MAP3K4: variants seen among roughly 807,000 people sequenced by gnomAD.
The protein encoded by MAP3K4 is MAP three kinase 1.
In MAP3K4, 67 loss-of-function variants were observed where a neutral mutation model predicts 185.6. The ratio of observed to expected loss-of-function variants is 0.36; its 90% CI spans 0.30 to 0.44. The LOEUF is 0.44. MAP3K4 is among the 20% of genes least tolerant of loss of function. The pLI, the probability that MAP3K4 is intolerant of heterozygous loss-of-function variation, is 1.00. For missense variants in MAP3K4, 1,551 were observed against 1,995.1 expected (o/e 0.78, Z 4.24); for synonymous variants, 702 against 710.4 (o/e 0.99, Z 0.19).
chr6:161,020,836 A>G (rs960320836), intron 1 of MAP3K4, among the ~76,000 whole-genome samples: 1 of 152,128 alleles, frequency 6.6e-6, no homozygotes, highest in African/African-American at 2.4e-5. Context: ...TTAATGATAC[A>G]CTGTTAGACA....
chr6:161,014,897 A>G (rs1263760034), intron 1 of MAP3K4, among the ~76,000 whole-genome samples: 1 of 152,200 alleles, frequency 6.6e-6, no homozygotes, highest in African/African-American at 2.4e-5. Context: ...CCATGTAGCC[A>G]TTACCAACCC....
chr6:161,049,131 G>A lies in MAP3K4; in HGVS notation c.859G>A (p.Ala287Thr). ...CGACCAGGACTTCTTTTTATATACAGCCCGTCAAGCCATCCCAGATATTAT... is the reference window on the plus strand; with the variant it reads ...CGACCAGGACTTCTTTTTATATACAACCCGTCAAGCCATCCCAGATATTAT... ...INDQDFFLYT[A>T]RQAIPDIINE... The change falls in exon 3 of 27, where the codon GCC (alanine) becomes ACC (threonine). Residue 287 changes from alanine to threonine, a missense_variant. By Grantham distance (58) the Ala-to-Thr change is moderately conservative. Coordinates refer to ENST00000392142, the MANE Select transcript of MAP3K4 (RefSeq NM_005922.4). This position sits in a 1 kb window ranked among gnomAD's most constrained non-coding sequence, Gnocchi z 8.4. 1 of 1,614,092 alleles carries A rather than the reference G, an allele frequency of 6.2e-7. No homozygotes were observed. The highest frequency in any genetic ancestry group is 8.5e-7 in the Non-Finnish European group (1 of 1,180,008).
chr6:161,009,783 C>A (rs1293299628), intron 1 of MAP3K4, among the ~76,000 whole-genome samples: 1 of 152,068 alleles, frequency 6.6e-6, no homozygotes, highest in Admixed American at 6.5e-5. Flanking sequence ...ATTTTTAAGT[C>A]TTTGCTAGTT....
rs1583211996 is a variant in MAP3K4 at position 161,084,651 on chromosome 6, T to C, written c.2372+34T>C. 8.2e-7 allele frequency: 1 copy of C among 1,215,318 alleles called. No homozygotes were observed. The highest frequency in any genetic ancestry group is 1.2e-6 in the Non-Finnish European group (1 of 817,140). 75.3% of individuals were successfully genotyped at this position (1,215,318 alleles called of 1,614,324 possible). A position where few individuals can be genotyped will look rare whatever the true frequency, so the allele number is the denominator to read the frequency against. The stretch of plus-strand genomic sequence containing the variant: ...TGTGCTTCCTTTCCCCTTCCACTTC[T>C]TATCTCGTAGTTTCCTTCCTCATGG... On this transcript the variant is annotated intron_variant, in intron 7 of 26. Transcript: ENST00000392142. This position sits in a 1 kb window ranked among gnomAD's most constrained non-coding sequence, Gnocchi z 4.6.
In MAP3K4 at chr6:161,037,659, C is replaced by CCA. The variant is rs35758309; in HGVS notation, c.343+3212_343+3213dup. Reference sequence around the variant, plus strand: ...TCTCGAACTGCTGACCTCAGGTGATCCACCTGCCTCAGTCTCCCAAAGTGC... The same window carrying CCA: ...TCTCGAACTGCTGACCTCAGGTGATCCACACCTGCCTCAGTCTCCCAAAGTGC... On this transcript the variant is annotated intron_variant, in intron 2 of 26. Transcript: ENST00000392142. This position sits in a 1 kb window ranked among gnomAD's most constrained non-coding sequence, Gnocchi z 4.2. Among the ~76,000 whole-genome samples the CCA allele has an allele frequency of 0.044, 6,694 of 152,214 alleles. 169 individuals carry two copies. Among genetic ancestry groups the CCA allele is most frequent in the South Asian group, 0.073 (353 of 4,822 alleles).
rs56024080 is a variant in MAP3K4, at chr6:161,014,824, A to G, written c.153-19435A>G. Among the ~76,000 whole-genome samples, 996 of 152,180 alleles carry G rather than the reference A, an allele frequency of 6.5e-3. 10 individuals carry two copies. Among genetic ancestry groups the G allele is most frequent in the Middle Eastern group, 0.065 (19 of 294 alleles). On this transcript the variant is annotated intron_variant, in intron 1 of 26. Coordinates refer to ENST00000392142, the MANE Select transcript of MAP3K4 (RefSeq NM_005922.4). Reference sequence around the variant, plus strand: ...CAATGGTTTTAGTATATTCACAGATATATGCAACCATTACCACAGTCAATT... The same window carrying G: ...CAATGGTTTTAGTATATTCACAGATGTATGCAACCATTACCACAGTCAATT...
intron 3 of MAP3K4, among the ~76,000 whole-genome samples, chr6:161,060,490 C>T (rs529767212): frequency 6.6e-6 from 1 of 152,198 alleles, no homozygotes; most frequent in Non-Finnish European, 1.5e-5. Flanking sequence ...GGAACATATT[C>T]AATTGGCTTG....
In MAP3K4 at chr6:161,053,514, T is replaced by C. The variant is rs1784095923; in HGVS notation, c.1707+3535T>C. 6.6e-6 allele frequency among the ~76,000 whole-genome samples: 1 copy of C among 152,256 alleles called. No individual in the cohort carries two copies. The highest frequency in any genetic ancestry group is 6.5e-5 in the Admixed American group (1 of 15,286). ...TATTTTTAAGATATCTTCTGCCTTT[T>C]AACCTCTGCCAAATAATTGTACATT... On this transcript the variant is annotated intron_variant, in intron 3 of 26. Transcript: ENST00000392142. The surrounding 1 kb of genome is among the most constrained non-coding windows in gnomAD (Gnocchi z 4.2).
intron 5 of MAP3K4, among the ~76,000 whole-genome samples, chr6:161,078,865 G>A (rs899620742): frequency 1.3e-5 from 2 of 152,184 alleles, no homozygotes; most frequent in Non-Finnish European, 2.9e-5. Context: ...TCTTAAAGGG[G>A]TAGGGTCTTT....
At chr6:161,004,984 T>C (rs969794468) in intron 1 of MAP3K4, among the ~76,000 whole-genome samples, 1 of 152,206 alleles carries the variant, frequency 6.6e-6, no homozygotes, top group Non-Finnish European at 1.5e-5. Context: ...TAACATTTGA[T>C]ACTAAAGGTC....
At position 161,088,591 on chromosome 6, in the gene MAP3K4, G is replaced by A. The variant is rs1785860652; in HGVS notation, c.2823+637G>A. Among the ~76,000 whole-genome samples, 1 of 152,172 alleles carries A rather than the reference G, an allele frequency of 6.6e-6. No individual in the cohort carries two copies. Among genetic ancestry groups the A allele is most frequent in the African/African-American group, 2.4e-5 (1 of 41,444 alleles). ...GTTCACTCACATGTTTAAACCAGAA[G>A]TGTGACAGCTAATATAAATTCAGCC... On this transcript the variant is annotated intron_variant, in intron 10 of 26. Transcript: ENST00000392142. This position sits in a 1 kb window ranked among gnomAD's most constrained non-coding sequence, Gnocchi z 4.5.
chr6:161,002,054 T>G (rs1217695891), intron 1 of MAP3K4, among the ~76,000 whole-genome samples: 1 of 150,646 alleles, frequency 6.6e-6, no homozygotes. Context: ...AAAAAGGTTT[T>G]TTTTTTTTTT....
At position 161,063,458 on chromosome 6, in the gene MAP3K4, G is replaced by A. The variant is rs1784568259; in HGVS notation, c.1708-7150G>A. Among the ~76,000 whole-genome samples, 2 of 152,098 alleles carry A rather than the reference G, an allele frequency of 1.3e-5. No homozygotes were observed. Among genetic ancestry groups the A allele is most frequent in the South Asian group, 4.2e-4 (2 of 4,818 alleles). The stretch of plus-strand genomic sequence containing the variant: ...GATACTTGTTTCCATGAACTTAAAG[G>A]AGAGAGGGAGTTAGGAAAGTGTTTG... On this transcript the variant is annotated intron_variant, in intron 3 of 26. Coordinates refer to ENST00000392142, the MANE Select transcript of MAP3K4 (RefSeq NM_005922.4). The surrounding 1 kb of genome is among the most constrained non-coding windows in gnomAD (Gnocchi z 5.4).
Position 161,048,645 on chromosome 6 carries a change from C to G in MAP3K4, c.373C>G (p.His125Asp). The G allele has an allele frequency of 6.2e-7, 1 of 1,609,064 alleles. No individual in the cohort carries two copies. Among genetic ancestry groups the G allele is most frequent in the Non-Finnish European group, 8.5e-7 (1 of 1,178,378 alleles). The stretch of plus-strand genomic sequence containing the variant: ...AATGAATGCACCAAATCAGCCTCCA[C>G]ATAAAGACACTGGAAAAACAGTGGA... ...EKMNAPNQPP[H>D]KDTGKTVENV... The change falls in exon 3 of 27, where the codon CAT becomes GAT. Residue 125 changes from histidine (H) to aspartate (D), a missense_variant. His to Asp is a moderately conservative substitution (Grantham distance 81). Coordinates refer to ENST00000392142, the MANE Select transcript of MAP3K4 (RefSeq NM_005922.4). The surrounding 1 kb of genome is among the most constrained non-coding windows in gnomAD (Gnocchi z 4.7).
At chr6:161,035,372 T>G (rs1335414266) in intron 2 of MAP3K4, among the ~76,000 whole-genome samples, 1 of 152,182 alleles carries the variant, frequency 6.6e-6, no homozygotes, top group Non-Finnish European at 1.5e-5. Context: ...TGCTTCCTCT[T>G]TCTGTAGATT....
intron 1 of MAP3K4, among the ~76,000 whole-genome samples, chr6:161,030,395 T>C (rs889464038): frequency 4.6e-5 from 7 of 152,132 alleles, no homozygotes; most frequent in African/African-American, 1.7e-4. Flanking sequence ...CTTTGGGTTT[T>C]TCTCCTGGTT....
intron 1 of MAP3K4, among the ~76,000 whole-genome samples, chr6:161,002,589 CTTTTTTT>C (rs34733206): frequency 9.4e-6 from 1 of 106,476 alleles, no homozygotes; most frequent in African/African-American, 3.7e-5. Flanking sequence ...ATAGTTTTGG[CTTTTTTT>C]TTTTTTTTTT....
chr6:161,066,880 G>C (rs1784736127), intron 3 of MAP3K4, among the ~76,000 whole-genome samples: 1 of 152,202 alleles, frequency 6.6e-6, no homozygotes, highest in Admixed American at 6.5e-5. Flanking sequence ...AAGTCAGCAG[G>C]CTGGGACTGT....
At chr6:161,044,397 ACAAG>A (rs1304968073) in intron 2 of MAP3K4, among the ~76,000 whole-genome samples, 1 of 152,220 alleles carries the variant, frequency 6.6e-6, no homozygotes, top group Non-Finnish European at 1.5e-5. Context: ...AAACCAAAAA[ACAAG>A]CACACCTGTC....
Sources: gnomAD v4.1 joint callset for allele counts (sites outside exome capture counted in the v4.1 genomes callset) on GRCh38, gnomAD v4.1.1 for gene constraint, Gnocchi (gnomAD v3.1) non-coding constraint, MANE v1.5 for transcripts, NCBI Gene and HGNC (gene_info 2026-07-23, HGNC 2026-07-21) for gene names.